ASTN2: variants seen among roughly 807,000 people sequenced by gnomAD.
ASTN2 encodes the protein astrotactin 2.
Under a neutral mutation model 139.8 loss-of-function variants are expected in ASTN2, and 54 were observed. The ratio of observed to expected loss-of-function variants is 0.39; its 90% CI spans 0.31 to 0.48. ASTN2 has a LOEUF of 0.48. ASTN2 is among the 20% of genes least tolerant of loss of function. The probability of loss-of-function intolerance (pLI) is 0.95; values close to 1 mark genes in which losing one functional copy is unlikely to be tolerated. For missense variants in ASTN2, 1,565 were observed against 1,725.1 expected, an observed-to-expected ratio of 0.91 and a Z score of 1.64; for synonymous variants, 756 against 719.5, an observed-to-expected ratio of 1.05 and a Z score of -0.81.
chr9:116,969,495 T>C lies in ASTN2; in HGVS notation c.1889+5713A>G, dbSNP rs1424262726. 3.9e-5 allele frequency among the ~76,000 whole-genome samples: 6 copies of C among 152,124 alleles called. No homozygotes were observed. The East Asian group carries it at 1.2e-3, about 29-fold the overall frequency. On this transcript the variant is annotated intron_variant, in intron 10 of 22. Coordinates refer to ENST00000313400, the MANE Select transcript of ASTN2 (RefSeq NM_001365068.1). ...GGGCATCTCATTACTCTGGCAACAC[T>C]TAATTGTGGTTGTAAGCCTGGAGAG...
intron 16 of ASTN2, among the ~76,000 whole-genome samples, chr9:116,717,840 C>T (rs1268382757): frequency 6.6e-6 from 1 of 152,202 alleles, no homozygotes; most frequent in Admixed American, 6.5e-5. Context: ...AGACTTTCAT[C>T]CCAAATAAAA....
intron 6 of ASTN2, among the ~76,000 whole-genome samples, chr9:117,038,945 G>A (rs943746347): frequency 5.3e-5 from 8 of 152,172 alleles, no homozygotes; most frequent in African/African-American, 1.7e-4. Context: ...TAAGACACTT[G>A]TATATTTACA....
intron 7 of ASTN2, among the ~76,000 whole-genome samples, chr9:117,004,972 T>C (rs1837312297): frequency 6.6e-6 from 1 of 151,962 alleles, no homozygotes; most frequent in Admixed American, 6.6e-5. Context: ...TTAGTATAAA[T>C]AAGATAGTGT....
chr9:116,795,560 C>T (rs1170661272), intron 13 of ASTN2, among the ~76,000 whole-genome samples: 2 of 152,214 alleles, frequency 1.3e-5, no homozygotes, highest in African/African-American at 4.8e-5. Context: ...GACCCTCACC[C>T]CCAGAGCATG....
intron 4 of ASTN2, among the ~76,000 whole-genome samples, chr9:117,122,573 T>TG (rs1197988355): frequency 6.6e-6 from 1 of 152,200 alleles, no homozygotes; most frequent in African/African-American, 2.4e-5. Context: ...AGTGTCCACA[T>TG]GGTCATTGAC....
At chr9:116,569,052 A>G (rs1246241436) in intron 19 of ASTN2, 11 of 152,316 alleles carry the variant, frequency 7.2e-5, no homozygotes, top group East Asian at 1.9e-4. Context: ...AGAGCTCTGG[A>G]GTGTGAGCAA....
rs118029618 is a variant in ASTN2 at position 116,996,657 on chromosome 9, T to A, written c.1591+11435A>T. Among the ~76,000 whole-genome samples, 1,335 of 152,212 alleles carry A rather than the reference T, an allele frequency of 8.8e-3. 9 individuals carry two copies. The highest frequency in any genetic ancestry group is 0.026 in the South Asian group (127 of 4,824). ...CAGAAGAAACAGCACCATCACTAACTCTATTACATTGGCTAGAAGAAATGA... is the reference window on the plus strand; with the variant it reads ...CAGAAGAAACAGCACCATCACTAACACTATTACATTGGCTAGAAGAAATGA... On this transcript the variant is annotated intron_variant, in intron 7 of 22. Coordinates refer to ENST00000313400, the MANE Select transcript of ASTN2 (RefSeq NM_001365068.1).
At chr9:116,686,807 G>A in intron 16 of ASTN2, 2 of 1,550,644 alleles carry the variant, frequency 1.3e-6, no homozygotes, top group Non-Finnish European at 1.7e-6. Context: ...TGTGTTCATG[G>A]ATAAACTTGT....
intron 3 of ASTN2, among the ~76,000 whole-genome samples, chr9:117,198,515 C>A (rs565749788): frequency 3.3e-5 from 5 of 152,158 alleles, no homozygotes; most frequent in Non-Finnish European, 7.4e-5. Context: ...GCACCCATTA[C>A]CACATTTTCT....
At chr9:117,225,987 T>C (rs1458512260) in intron 2 of ASTN2, among the ~76,000 whole-genome samples, 1 of 152,068 alleles carries the variant, frequency 6.6e-6, no homozygotes, top group Admixed American at 6.6e-5. Flanking sequence ...TGGCAACAGG[T>C]AAGTAAGCAG....
chr9:116,799,709 G>GGGGA (rs1554748058), intron 13 of ASTN2, among the ~76,000 whole-genome samples: 23 of 136,646 alleles, frequency 1.7e-4, no homozygotes, highest in African/African-American at 6.0e-4. Flanking sequence ...AAGAGAGTGG[G>GGGGA]GGGGGGGAGA....
chr9:116,812,099 G>A (rs1023286328), intron 12 of ASTN2, among the ~76,000 whole-genome samples: 11 of 151,972 alleles, frequency 7.2e-5, no homozygotes, highest in Admixed American at 2.0e-4. Context: ...ACATACACAC[G>A]TATTTGCAAA....
intron 16 of ASTN2, among the ~76,000 whole-genome samples, chr9:116,722,394 T>C (rs762803576): frequency 6.6e-6 from 1 of 152,244 alleles, no homozygotes; most frequent in Non-Finnish European, 1.5e-5. Flanking sequence ...ATGGGAAATA[T>C]TTTAATCAGG....
chr9:116,864,823 C>CCTGAGGTTTGAAACT (rs1832976186), intron 10 of ASTN2, among the ~76,000 whole-genome samples: 1 of 152,098 alleles, frequency 6.6e-6, no homozygotes, highest in Admixed American at 6.5e-5. Flanking sequence ...CAGGCTTGGA[C>CCTGAGGTTTGAAACT]CAGGTTTGAA....
At chr9:116,955,036 C>A (rs1332834383) in intron 10 of ASTN2, among the ~76,000 whole-genome samples, 1 of 152,184 alleles carries the variant, frequency 6.6e-6, no homozygotes, top group African/African-American at 2.4e-5. Flanking sequence ...CCACTTTTGG[C>A]AGAATGAGAA....
At chr9:116,555,427 T>C (rs962156492) in intron 19 of ASTN2, among the ~76,000 whole-genome samples, 11 of 152,076 alleles carry the variant, frequency 7.2e-5, no homozygotes, top group Admixed American at 5.9e-4. Context: ...CAGTTTGAAA[T>C]ATAGCAGAGC....
rs142568240 is a variant in ASTN2, at chr9:116,471,796, G to A, written c.3497+15563C>T. Among the ~76,000 whole-genome samples, 248 of 152,306 alleles carry A rather than the reference G, an allele frequency of 1.6e-3. 2 individuals carry two copies. Among genetic ancestry groups the A allele is most frequent in the South Asian group, 6.0e-3 (29 of 4,830 alleles). On this transcript the variant is annotated intron_variant, in intron 20 of 22. Coordinates refer to ENST00000313400, the MANE Select transcript of ASTN2 (RefSeq NM_001365068.1). ...TACTCTCACTTTTTGGATGCAGGAAGAGGCTTGGTCTCCAAGGTTAGGCAA... is the reference window on the plus strand; with the variant it reads ...TACTCTCACTTTTTGGATGCAGGAAAAGGCTTGGTCTCCAAGGTTAGGCAA...
chr9:116,942,868 T>G (rs941065173), intron 10 of ASTN2, among the ~76,000 whole-genome samples: 4 of 152,212 alleles, frequency 2.6e-5, no homozygotes, highest in African/African-American at 7.2e-5. Flanking sequence ...GTGCAGCTGA[T>G]GCACATGACC....
intron 10 of ASTN2, among the ~76,000 whole-genome samples, chr9:116,963,781 G>C (rs1376276345): frequency 6.6e-6 from 1 of 152,156 alleles, no homozygotes; most frequent in Non-Finnish European, 1.5e-5. Flanking sequence ...TTTTGTAGTT[G>C]GCTTCTCACT....
Sources: gnomAD v4.1 joint callset for allele counts (sites outside exome capture counted in the v4.1 genomes callset) on GRCh38, gnomAD v4.1.1 for gene constraint, MANE v1.5 for transcripts, NCBI Gene and HGNC (gene_info 2026-07-23, HGNC 2026-07-21) for gene names.